Variants in EYS observed in about 807,000 individuals in gnomAD.
EYS encodes the protein EGF-like photoreceptor maintenance factor.
EYS carries 250 observed loss-of-function variants against 282.1 expected under a neutral mutation model. The ratio of observed to expected loss-of-function variants is 0.89; its 90% CI spans 0.80 to 0.98. The LOEUF is 0.98. Among genes scored for constraint, EYS ranks in the 50% least tolerant of loss-of-function variants. The pLI is 0.00. For missense variants in EYS, 4,016 were observed against 3,709.0 expected, an observed-to-expected ratio of 1.08 and a Z score of -2.15; for synonymous variants, 1,355 against 1,282.9, an observed-to-expected ratio of 1.06 and a Z score of -1.20.
chr6:64,947,406 A>G (rs1001074026), intron 14 of EYS, among the ~76,000 whole-genome samples: 5 of 151,862 alleles, frequency 3.3e-5, no homozygotes, highest in African/African-American at 9.7e-5. Context: ...AACAGGGCCA[A>G]TTGGTTTTCC....
intron 22 of EYS, among the ~76,000 whole-genome samples, chr6:64,663,945 T>C (rs1290274874): frequency 6.6e-6 from 1 of 152,196 alleles, no homozygotes; most frequent in African/African-American, 2.4e-5. Flanking sequence ...ACCTGGGCAC[T>C]TAGCTGCACA....
chr6:64,004,006 C>T (rs925230253), intron 33 of EYS, among the ~76,000 whole-genome samples: 2 of 152,188 alleles, frequency 1.3e-5, no homozygotes, highest in Non-Finnish European at 2.9e-5. Flanking sequence ...ATTAGACAGT[C>T]TGGGACAGTC....
intron 33 of EYS, among the ~76,000 whole-genome samples, chr6:64,026,131 G>A (rs759843910): frequency 1.2e-4 from 18 of 152,268 alleles, no homozygotes; most frequent in South Asian, 4.1e-4. Flanking sequence ...GTCAGGGACC[G>A]TTGTGGGTTC....
At chr6:65,547,688 T>C (rs918631265) in intron 2 of EYS, among the ~76,000 whole-genome samples, 3 of 152,212 alleles carry the variant, frequency 2.0e-5, no homozygotes, top group Non-Finnish European at 4.4e-5. Flanking sequence ...TATGTGCCAT[T>C]TGAACTTTTT....
intron 2 of EYS, among the ~76,000 whole-genome samples, chr6:65,600,436 A>C (rs1425210736): frequency 6.6e-6 from 1 of 151,998 alleles, no homozygotes; most frequent in African/African-American, 2.4e-5. Flanking sequence ...GATGGCTCTT[A>C]TATTCTTATA....
At chr6:64,721,840 C>T (rs1049622776) in intron 22 of EYS, among the ~76,000 whole-genome samples, 10 of 152,090 alleles carry the variant, frequency 6.6e-5, no homozygotes, top group Non-Finnish European at 1.3e-4. Flanking sequence ...TTAGTTCCAT[C>T]GCATCTAGGC....
chr6:64,019,619 C>T (rs1433929583), intron 33 of EYS, among the ~76,000 whole-genome samples: 1 of 151,836 alleles, frequency 6.6e-6, no homozygotes, highest in African/African-American at 2.4e-5. Flanking sequence ...CCATATTGGC[C>T]AGGCTGGTCT....
intron 12 of EYS, among the ~76,000 whole-genome samples, chr6:65,180,155 C>T (rs545187213): frequency 2.0e-5 from 3 of 151,960 alleles, no homozygotes; most frequent in African/African-American, 7.2e-5. Flanking sequence ...CAAGACAGGG[C>T]TGCCCTCTCT....
intron 24 of EYS, among the ~76,000 whole-genome samples, chr6:64,607,895 C>G (rs918481151): frequency 2.0e-5 from 3 of 152,226 alleles, no homozygotes; most frequent in South Asian, 2.1e-4. Flanking sequence ...GTTTCCTCAT[C>G]ATCACCATAG....
chr6:65,254,961 C>G (rs200834237), intron 12 of EYS, among the ~76,000 whole-genome samples: 4 of 151,678 alleles, frequency 2.6e-5, no homozygotes, highest in African/African-American at 9.7e-5. Flanking sequence ...TTAGTTCAAG[C>G]AAAATAACTG....
chr6:64,233,170 A>T (rs913672750), intron 30 of EYS, among the ~76,000 whole-genome samples: 2 of 152,150 alleles, frequency 1.3e-5, no homozygotes, highest in Non-Finnish European at 2.9e-5. Context: ...TATTTTGCAC[A>T]TTTCAGTTAA....
At chr6:65,449,980 A>G (rs1764345272) in intron 5 of EYS, among the ~76,000 whole-genome samples, 1 of 152,128 alleles carries the variant, frequency 6.6e-6, no homozygotes, top group Non-Finnish European at 1.5e-5. Context: ...AAATTCTGTG[A>G]TCATAGGCAG....
intron 1 of EYS, among the ~76,000 whole-genome samples, chr6:65,681,575 T>A (rs900245583): frequency 6.6e-6 from 1 of 151,902 alleles, no homozygotes; most frequent in Admixed American, 6.6e-5. Context: ...TTATTTAAAT[T>A]TTCCCCTTAG....
intron 5 of EYS, among the ~76,000 whole-genome samples, chr6:65,434,164 A>C (rs1220971769): frequency 6.6e-6 from 1 of 152,214 alleles, no homozygotes; most frequent in African/African-American, 2.4e-5. Context: ...TCAAGAACTA[A>C]GCTTTGCTAA....
At chr6:64,452,056 A>T (rs1344003545) in intron 26 of EYS, among the ~76,000 whole-genome samples, 1 of 151,682 alleles carries the variant, frequency 6.6e-6, no homozygotes, top group East Asian at 1.9e-4. Context: ...TTAGGAAAAG[A>T]GGAAGTCAAA....
chr6:64,256,650 G>T (rs895552903), intron 30 of EYS, among the ~76,000 whole-genome samples: 2 of 151,996 alleles, frequency 1.3e-5, no homozygotes, highest in African/African-American at 4.8e-5. Flanking sequence ...AAGTTATTAA[G>T]GGGCCTGCCT....
At chr6:64,220,150 G>A (rs1040640733) in intron 31 of EYS, among the ~76,000 whole-genome samples, 2 of 152,126 alleles carry the variant, frequency 1.3e-5, no homozygotes, top group African/African-American at 4.8e-5. Flanking sequence ...CCTGCACATT[G>A]TGCACATGTA....
intron 41 of EYS, among the ~76,000 whole-genome samples, chr6:63,752,906 G>A (rs1032270601): frequency 1.3e-5 from 2 of 151,824 alleles, no homozygotes; most frequent in Admixed American, 1.3e-4. Context: ...CTTTTATTGA[G>A]TAGCAACCTG....
intron 8 of EYS, among the ~76,000 whole-genome samples, chr6:65,380,956 C>T (rs553635581): frequency 2.0e-5 from 3 of 151,396 alleles, no homozygotes; most frequent in East Asian, 3.9e-4. Flanking sequence ...ATCATTAAAA[C>T]GTGGAAATAA....
Sources: gnomAD v4.1 joint callset for allele counts (sites outside exome capture counted in the v4.1 genomes callset) on GRCh38, gnomAD v4.1.1 for gene constraint, MANE v1.5 for transcripts, NCBI Gene and HGNC (gene_info 2026-07-23, HGNC 2026-07-21) for gene names.